MERTK: variants seen among roughly 807,000 people sequenced by gnomAD.
MERTK encodes the protein tyrosine-protein kinase Mer.
Under a neutral mutation model 99.3 loss-of-function variants are expected in MERTK, and 69 were observed. The observed-to-expected ratio is 0.70, with a 90% CI of 0.57 to 0.85. MERTK has a LOEUF of 0.85. Ranked by LOEUF, MERTK falls within the 40% of genes least tolerant of loss-of-function variation. The probability of loss-of-function intolerance (pLI) is 0.00; values close to 1 mark genes in which losing one functional copy is unlikely to be tolerated. For missense variants in MERTK, 1,125 were observed against 1,249.4 expected, an observed-to-expected ratio of 0.90 and a Z score of 1.50; for synonymous variants, 426 against 467.6, an observed-to-expected ratio of 0.91 and a Z score of 1.15.
At position 111,977,516 on chromosome 2, in the gene MERTK, G is replaced by A. The variant is rs1346396038; in HGVS notation, c.1144+2044G>A. 3.9e-5 allele frequency among the ~76,000 whole-genome samples: 6 copies of A among 152,244 alleles called. No homozygotes were observed. In the East Asian group the frequency reaches 1.2e-3, roughly 29 times the overall value. On this transcript the variant is annotated intron_variant, in intron 7 of 18. Coordinates refer to ENST00000295408, the MANE Select transcript of MERTK (RefSeq NM_006343.3). ...CACTGATTTTGAGCAATTGAATTGT[G>A]ACAGGCTTTGGTGTAATTTTATTTA... is the stretch of plus-strand genomic sequence containing the variant.
At chr2:111,907,058 G>A (rs1224799170) in intron 1 of MERTK, among the ~76,000 whole-genome samples, 3 of 152,180 alleles carry the variant, frequency 2.0e-5, no homozygotes, top group Non-Finnish European at 4.4e-5. Flanking sequence ...GACTCTCGGT[G>A]TGAACTTTCT....
At chr2:111,974,768 TCA>T (rs1491495721) in intron 6 of MERTK, among the ~76,000 whole-genome samples, 9 of 6,900 alleles carry the variant, frequency 1.3e-3, no homozygotes, top group African/African-American at 6.7e-3. Context: ...AAGGTCCATC[TCA>T]AAAAAAAAAA....
chr2:111,959,283 A>G (rs922971235), intron 4 of MERTK, among the ~76,000 whole-genome samples: 3 of 152,118 alleles, frequency 2.0e-5, no homozygotes, highest in Non-Finnish European at 2.9e-5. Context: ...CTTAAAATCA[A>G]TGCTTGACAA....
At chr2:111,956,932 CT>C (rs1292642330) in intron 4 of MERTK, among the ~76,000 whole-genome samples, 2 of 142,868 alleles carry the variant, frequency 1.4e-5, no homozygotes, top group Non-Finnish European at 3.1e-5. Flanking sequence ...GACCTGCCTT[CT>C]TTTTTTCTTT....
intron 16 of MERTK, 128 bp from the exon 17 acceptor site, chr2:112,021,294 C>T (rs1677341733): frequency 5.9e-6 from 8 of 1,353,154 alleles, no homozygotes; most frequent in Admixed American, 1.7e-5. Flanking sequence ...GCAGCATGCT[C>T]ACAGGCTGGT....
intron 18 of MERTK, among the ~76,000 whole-genome samples, chr2:112,025,280 G>A (rs1333504178): frequency 6.6e-6 from 1 of 152,208 alleles, no homozygotes; most frequent in Non-Finnish European, 1.5e-5. Flanking sequence ...CCACCTTGAA[G>A]CTGCAGTTGC....
intron 4 of MERTK, among the ~76,000 whole-genome samples, chr2:111,949,279 A>G (rs571880145): frequency 1.2e-4 from 19 of 152,122 alleles, no homozygotes; most frequent in African/African-American, 4.6e-4. Context: ...CTCAGTAAGG[A>G]CAAGAGCTTT....
chr2:112,003,706 A>C (rs1676916363), intron 12 of MERTK, among the ~76,000 whole-genome samples, 198 bp from the exon 13 acceptor site: 1 of 152,168 alleles, frequency 6.6e-6, no homozygotes, highest in South Asian at 2.1e-4. Context: ...AAGCCACCCA[A>C]GCTCGTGACA....
At chr2:111,939,662 T>TTG (rs1480091307) in intron 2 of MERTK, among the ~76,000 whole-genome samples, 108 of 123,700 alleles carry the variant, frequency 8.7e-4, no homozygotes, top group Non-Finnish European at 1.2e-3. Context: ...TAATTTTTTT[T>TTG]TTTTTTTTTT....
intron 5 of MERTK, among the ~76,000 whole-genome samples, chr2:111,965,639 G>A (rs916198806): frequency 1.2e-4 from 18 of 152,146 alleles, no homozygotes; most frequent in Admixed American, 3.3e-4. Flanking sequence ...CTCTTCCACC[G>A]TGAACTACTC....
intron 1 of MERTK, among the ~76,000 whole-genome samples, chr2:111,919,823 A>G (rs1684421479): frequency 6.7e-6 from 1 of 148,982 alleles, no homozygotes; most frequent in African/African-American, 2.5e-5. Flanking sequence ...TTTTGAGCCA[A>G]AAGGAATGTA....
chr2:111,999,423 C>T (rs898310575), intron 10 of MERTK, among the ~76,000 whole-genome samples: 20 of 152,090 alleles, frequency 1.3e-4, no homozygotes, highest in South Asian at 4.1e-4. Context: ...CTCAGCCTCC[C>T]GATTAGCTGG....
chr2:111,982,702 T>A (rs535880139), intron 7 of MERTK, 140 bp from the exon 8 acceptor site: 1 of 904,898 alleles, frequency 1.1e-6, no homozygotes, highest in South Asian at 1.4e-5. Flanking sequence ...GTTGAAAAGG[T>A]GAAAATGTGC....
chr2:111,964,674 T>C (rs926068225), intron 4 of MERTK, among the ~76,000 whole-genome samples: 1 of 152,208 alleles, frequency 6.6e-6, no homozygotes, highest in African/African-American at 2.4e-5. Flanking sequence ...CGATTAGTTA[T>C]AACGCCTTGC....
chr2:111,978,135 T>A (rs1362273863), intron 7 of MERTK, among the ~76,000 whole-genome samples: 1 of 150,000 alleles, frequency 6.7e-6, no homozygotes, highest in Non-Finnish European at 1.5e-5. Flanking sequence ...TTTTTATGTT[T>A]TGTTTTTTGG....
intron 1 of MERTK, among the ~76,000 whole-genome samples, chr2:111,922,610 T>G (rs1034478061): frequency 1.3e-5 from 2 of 152,218 alleles, no homozygotes; most frequent in Non-Finnish European, 2.9e-5. Flanking sequence ...TGCAAGCCAG[T>G]AACAGCCATG....
chr2:112,017,232 G>A (rs1365112505), intron 15 of MERTK, among the ~76,000 whole-genome samples: 1 of 152,090 alleles, frequency 6.6e-6, no homozygotes, highest in Non-Finnish European at 1.5e-5. Flanking sequence ...GCTGATTGGT[G>A]CATTTACAGT....
At chr2:112,020,560 C>A in intron 16 of MERTK, 1 of 470,862 alleles carries the variant, frequency 2.1e-6, no homozygotes, top group South Asian at 1.5e-5. Flanking sequence ...GCTTGGGCTA[C>A]AAATGCAGTT....
At chr2:112,021,279 C>A (rs1472078710) in intron 16 of MERTK, 143 bp from the exon 17 acceptor site, 3 of 1,205,366 alleles carry the variant, frequency 2.5e-6, no homozygotes, top group African/African-American at 1.5e-5. Context: ...GCCATTGGTC[C>A]CAATGCAGCA....
Sources: gnomAD v4.1 joint callset for allele counts (sites outside exome capture counted in the v4.1 genomes callset) on GRCh38, gnomAD v4.1.1 for gene constraint, MANE v1.5 for transcripts, NCBI Gene and HGNC (gene_info 2026-07-23, HGNC 2026-07-21) for gene names.